The following MRM3 variants were observed in gnomAD, a reference collection of about 807,000 sequenced individuals.
MRM3 encodes mitochondrial rRNA methyltransferase 3, also known as rRNA methyltransferase 3, mitochondrial.
Under a neutral mutation model 29.4 loss-of-function variants are expected in MRM3, and 26 were observed. The ratio of observed to expected loss-of-function variants is 0.89; its 90% CI spans 0.65 to 1.23. The LOEUF (loss-of-function observed/expected upper bound fraction) is 1.23, where lower values mean the gene tolerates loss of function less well. MRM3 is among the 50% of genes most tolerant of loss of function. The probability of loss-of-function intolerance (pLI) is 0.00; values close to 1 mark genes in which losing one functional copy is unlikely to be tolerated. For missense variants in MRM3, 578 were observed against 540.2 expected, an observed-to-expected ratio of 1.07 and a Z score of -0.69; for synonymous variants, 225 against 219.0, an observed-to-expected ratio of 1.03 and a Z score of -0.24.
At position 787,702 on chromosome 17, in the gene MRM3, CCACGCCTGGCTAATCTTTGTGTTTTTAG is replaced by C. The variant is rs1331175065; in HGVS notation, c.560-262_560-235del. Among the ~76,000 whole-genome samples the C allele has an allele frequency of 6.6e-6, 1 of 152,212 alleles. No individual in the cohort carries two copies. Among genetic ancestry groups the C allele is most frequent in the Non-Finnish European group, 1.5e-5 (1 of 68,044 alleles). ...TAGCTGGGACTAGAGGCATGCGCCACCACGCCTGGCTAATCTTTGTGTTTTTAGTAGAGACGAGGTTTTGCCACGTTGG... is the reference window on the plus strand; with the variant it reads ...TAGCTGGGACTAGAGGCATGCGCCACTAGAGACGAGGTTTTGCCACGTTGG... On this transcript the variant is annotated intron_variant, in intron 2 of 3. Transcript: ENST00000304478. The surrounding 1 kb of genome is among the most constrained non-coding windows in gnomAD (Gnocchi z 4.1).
At chr17:788,200 G>C in intron 3 of MRM3, 68 bp downstream of exon 3, 1 of 1,538,098 alleles carries the variant, frequency 6.5e-7, no homozygotes, top group Non-Finnish European at 8.9e-7. Context: ...GGCCGAGGCA[G>C]GAGGGTCACT....
At chr17:783,057 T>C (rs201434490) in intron 1 of MRM3, 26 bp from the exon 2 acceptor site, 11 of 103,280 alleles carry the variant, frequency 1.1e-4, no homozygotes, top group Non-Finnish European at 1.3e-4. Flanking sequence ...TAGTTACCTG[T>C]TTTTTTTTTT....
At chr17:791,182 T>G (rs539362654) in intron 3 of MRM3, among the ~76,000 whole-genome samples, 6 of 152,254 alleles carry the variant, frequency 3.9e-5, no homozygotes, top group East Asian at 1.9e-4. Flanking sequence ...TGTGGGTGCT[T>G]CTTTTACATC....
At chr17:786,816 T>C (rs1392756593) in intron 2 of MRM3, among the ~76,000 whole-genome samples, 7 of 152,224 alleles carry the variant, frequency 4.6e-5, no homozygotes, top group African/African-American at 1.7e-4. Context: ...GTATTTATGC[T>C]AGAGAAATTT....
chr17:786,294 G>A (rs1910531339), intron 2 of MRM3, among the ~76,000 whole-genome samples: 1 of 152,094 alleles, frequency 6.6e-6, no homozygotes, highest in African/African-American at 2.4e-5. Context: ...GTTTGTTTGA[G>A]ACGAAGTCTC....
intron 2 of MRM3, among the ~76,000 whole-genome samples, chr17:785,574 C>G (rs2144519984): frequency 6.6e-6 from 1 of 152,322 alleles, no homozygotes; most frequent in East Asian, 1.9e-4. Context: ...AGTGGCTGTA[C>G]CCATTCTAAA....
Position 787,471 on chromosome 17 carries a change from G to A in MRM3, c.560-494G>A, listed in dbSNP as rs1303995000. On this transcript the variant is annotated intron_variant, in intron 2 of 3. Transcript: ENST00000304478. The surrounding 1 kb of genome is among the most constrained non-coding windows in gnomAD (Gnocchi z 4.1). ...GGATACACTCCAAAACAGAACAGTT[G>A]AGGGGGAGGAGAGTGGTACTGGTAG... 6.6e-6 allele frequency among the ~76,000 whole-genome samples: 1 copy of A among 152,200 alleles called. No homozygotes were observed. Among genetic ancestry groups the A allele is most frequent in the Non-Finnish European group, 1.5e-5 (1 of 68,038 alleles).
intron 3 of MRM3, among the ~76,000 whole-genome samples, chr17:789,074 C>G (rs1910675645): frequency 6.6e-6 from 1 of 152,186 alleles, no homozygotes; most frequent in South Asian, 2.1e-4. Context: ...ATCCTCCTGC[C>G]TCGGCCTGTC....
At chr17:790,811 C>T (rs9897734) in intron 3 of MRM3, among the ~76,000 whole-genome samples, 2 of 34,014 alleles carry the variant, frequency 5.9e-5, no homozygotes, top group Admixed American at 2.2e-4. Flanking sequence ...GCTGATTGGC[C>T]GGCTCACCCC....
In MRM3 at chr17:789,162, A is replaced by G. The variant is rs574655409; in HGVS notation, c.727+1030A>G. 2.0e-5 allele frequency among the ~76,000 whole-genome samples: 3 copies of G among 152,316 alleles called. No individual in the cohort carries two copies. The South Asian group carries it at 6.2e-4, about 32-fold the overall frequency. On this transcript the variant is annotated intron_variant, in intron 3 of 3. Coordinates refer to ENST00000304478, the MANE Select transcript of MRM3 (RefSeq NM_018146.4). ...TTTTAAAATTATCATGAAACCTGCT[A>G]GGCTGTTAGAGAACTTCACATCGAT...
rs532309260 is a variant in MRM3, at chr17:782,450, T to C, written c.72T>C (p.Leu24=). 6.2e-7 allele frequency: 1 copy of C among 1,613,926 alleles called. No individual in the cohort carries two copies. The highest frequency in any genetic ancestry group is 1.7e-5 in the Admixed American group (1 of 60,014). ...TGCAGGTGGTCCAGGCTTGGGACCTTGACGCGAGGCGCTGGGTCCGGGCGC... is the reference window on the plus strand; with the variant it reads ...TGCAGGTGGTCCAGGCTTGGGACCTCGACGCGAGGCGCTGGGTCCGGGCGC... ...PLLQVVQAWD[L]DARRWVRALR... The change falls in exon 1 of 4, where the codon CTT becomes CTC. Residue 24 remains leucine, a synonymous_variant. Coordinates refer to ENST00000304478, the MANE Select transcript of MRM3 (RefSeq NM_018146.4).
In MRM3 at chr17:792,320, T is replaced by G. The variant is rs1367802370; in HGVS notation, c.*251T>G. On this transcript the variant is annotated 3_prime_UTR_variant, in exon 4 of 4. Transcript: ENST00000304478. ...GTGACCCACGTGGCTCTGTGTGTTT[T>G]TAAAAATTGTCCACCAAGAAGCACT... 2.4e-6 allele frequency: 1 copy of G among 416,346 alleles called. No homozygotes were observed. Among genetic ancestry groups the G allele is most frequent in the African/African-American group, 2.0e-5 (1 of 49,626 alleles). 25.8% of individuals were successfully genotyped at this position (416,346 alleles called of 1,614,324 possible).
In MRM3 at chr17:787,850, G is replaced by C. The variant is rs112879154; in HGVS notation, c.560-115G>C. 1 of 1,103,664 alleles carries C rather than the reference G, an allele frequency of 9.1e-7. No individual in the cohort carries two copies. Among genetic ancestry groups the C allele is most frequent in the African/African-American group, 1.6e-5 (1 of 64,286 alleles). 68.4% of individuals were successfully genotyped at this position (1,103,664 alleles called of 1,614,324 possible). A position where few individuals can be genotyped will look rare whatever the true frequency, so the allele number is the denominator to read the frequency against. ...AGGCATGAGCCAGTACACCTGGCCT[G>C]TATTCCTGTATTTTTATGTAACTAA... On this transcript the variant is annotated intron_variant, in intron 2 of 3. Coordinates refer to ENST00000304478, the MANE Select transcript of MRM3 (RefSeq NM_018146.4). The surrounding 1 kb of genome is among the most constrained non-coding windows in gnomAD (Gnocchi z 4.1).
chr17:786,765 G>C (rs1190496164), intron 2 of MRM3, among the ~76,000 whole-genome samples: 1 of 152,170 alleles, frequency 6.6e-6, no homozygotes, highest in African/African-American at 2.4e-5. Flanking sequence ...CTGTGTGAAC[G>C]TTAATAGTGC....
Position 787,986 on chromosome 17 carries a change from A to C in MRM3, c.581A>C (p.His194Pro). 1.2e-6 allele frequency: 2 copies of C among 1,613,940 alleles called. No homozygotes were observed. The highest frequency in any genetic ancestry group is 1.7e-6 in the Non-Finnish European group (2 of 1,180,022). ...GIMGIFAKPD[H>P]VKMTYPKTQL... ...TCAGGGATTTTTGCCAAGCCTGACC[A>C]TGTTAAGATGACATATCCAAAGACT... The change falls in exon 3 of 4, where the codon CAT becomes CCT. Residue 194 changes from histidine (H) to proline (P), a missense_variant. His to Pro is a moderately conservative substitution (Grantham distance 77). Transcript: ENST00000304478. The surrounding 1 kb of genome is among the most constrained non-coding windows in gnomAD (Gnocchi z 4.1).
rs1449117977 is a variant in MRM3 at position 787,027 on chromosome 17, G to A, written c.560-938G>A. The stretch of plus-strand genomic sequence containing the variant: ...GGAGGCCGAGGAGGGTGGATCACCT[G>A]AGGTCAGGAGTTCGAGACCAGCCTG... On this transcript the variant is annotated intron_variant, in intron 2 of 3. Coordinates refer to ENST00000304478, the MANE Select transcript of MRM3 (RefSeq NM_018146.4). This position sits in a 1 kb window ranked among gnomAD's most constrained non-coding sequence, Gnocchi z 4.1. Among the ~76,000 whole-genome samples, 1 of 152,170 alleles carries A rather than the reference G, an allele frequency of 6.6e-6. No homozygotes were observed. Among genetic ancestry groups the A allele is most frequent in the Non-Finnish European group, 1.5e-5 (1 of 68,026 alleles).
At chr17:790,752 C>T (rs56349436) in intron 3 of MRM3, among the ~76,000 whole-genome samples, 5 of 99,106 alleles carry the variant, frequency 5.0e-5, no homozygotes, top group Non-Finnish European at 9.3e-5. Flanking sequence ...CCACCACACC[C>T]CCACCGGCTG....
At position 783,143 on chromosome 17, in the gene MRM3, G is replaced by T; in HGVS notation, c.375G>T (p.Leu125=). 6.2e-7 allele frequency: 1 copy of T among 1,614,108 alleles called. No individual in the cohort carries two copies. The highest frequency in any genetic ancestry group is 8.5e-7 in the Non-Finnish European group (1 of 1,180,010). ...GGGAAAAACAAGGGAAGATCCTGCT[G>T]GAAGGTCGCAGGCTCATTTCAGACG... ...PFREKQGKIL[L]EGRRLISDAL... The change falls in exon 2 of 4, where the codon CTG becomes CTT. Residue 125 remains leucine, a synonymous_variant. Coordinates refer to ENST00000304478, the MANE Select transcript of MRM3 (RefSeq NM_018146.4).
intron 3 of MRM3, among the ~76,000 whole-genome samples, chr17:789,214 T>C (rs1157674942): frequency 2.0e-5 from 3 of 152,216 alleles, no homozygotes; most frequent in South Asian, 4.1e-4. Context: ...ATGCCAATTT[T>C]AACACTTGGT....
Sources: allele counts gnomAD v4.1 joint callset (sites outside exome capture counted in the v4.1 genomes callset), GRCh38; gene constraint gnomAD v4.1.1; non-coding constraint Gnocchi (gnomAD v3.1); transcripts MANE v1.5; gene names NCBI Gene and HGNC (gene_info 2026-07-23, HGNC 2026-07-21).